Variants in TUSC3 observed in about 807,000 individuals in gnomAD.
TUSC3 encodes tumor suppressor candidate 3.
In TUSC3, 45 loss-of-function variants were observed where a neutral mutation model predicts 44.8. The observed-to-expected ratio is 1.00, with a 90% CI of 0.79 to 1.29. The LOEUF (loss-of-function observed/expected upper bound fraction) is 1.29. TUSC3 is among the 50% of genes most tolerant of loss of function. The probability of loss-of-function intolerance (pLI) is 0.00; values close to 1 mark genes in which losing one functional copy is unlikely to be tolerated. For synonymous variants in TUSC3, 212 were observed against 152.9 expected (o/e 1.39, Z -2.85); for missense variants, 519 against 437.9 (o/e 1.19, Z -1.65).
intron 2 of TUSC3, among the ~76,000 whole-genome samples, chr8:15,504,991 TCCTAAACA>T (rs1181517934): frequency 6.6e-6 from 1 of 152,100 alleles, no homozygotes; most frequent in Non-Finnish European, 1.5e-5. Flanking sequence ...GGTGCGGGCT[TCCTAAACA>T]ATACTGTATC....
intron 2 of TUSC3, among the ~76,000 whole-genome samples, chr8:15,501,770 G>C (rs560193418): frequency 7.2e-5 from 11 of 152,132 alleles, no homozygotes; most frequent in Admixed American, 7.2e-4. Context: ...TATCTAACAG[G>C]ATGCTGATTG....
At chr8:15,504,249 C>T (rs904386718) in intron 2 of TUSC3, among the ~76,000 whole-genome samples, 4 of 151,898 alleles carry the variant, frequency 2.6e-5, no homozygotes, top group African/African-American at 9.7e-5. Flanking sequence ...TCCTCAGTTA[C>T]AAAATAAAGA....
chr8:15,683,607 C>T (rs912837890), intron 6 of TUSC3, among the ~76,000 whole-genome samples: 1 of 151,984 alleles, frequency 6.6e-6, no homozygotes, highest in Non-Finnish European at 1.5e-5. Context: ...GCTTCTTTGC[C>T]GTCCAGGTTC....
intron 2 of TUSC3, among the ~76,000 whole-genome samples, chr8:15,495,402 C>T (rs954077829): frequency 6.6e-6 from 1 of 152,138 alleles, no homozygotes; most frequent in Non-Finnish European, 1.5e-5. Flanking sequence ...TAGTTTAAAA[C>T]CGTGGAAATG....
intron 5 of TUSC3, among the ~76,000 whole-genome samples, chr8:15,673,055 C>T (rs1808018141): frequency 6.6e-6 from 1 of 152,040 alleles, no homozygotes; most frequent in Admixed American, 6.6e-5. Context: ...CATGCTGACA[C>T]CTCAGTTATA....
chr8:15,523,806 C>G (rs1297292600), intron 2 of TUSC3, among the ~76,000 whole-genome samples: 1 of 149,636 alleles, frequency 6.7e-6, no homozygotes, highest in East Asian at 2.0e-4. Flanking sequence ...GCCTGTAATC[C>G]CAGCACTTTG....
At chr8:15,424,116 A>G (rs957439280) in intron 1 of TUSC3, among the ~76,000 whole-genome samples, 12 of 150,150 alleles carry the variant, frequency 8.0e-5, no homozygotes, top group African/African-American at 2.4e-4. Context: ...TCAGCCTTCC[A>G]AGTAGCTGGG....
chr8:15,803,372 A>C, the TUSC3 span, among the ~76,000 whole-genome samples: 213 of 152,326 alleles, frequency 1.4e-3, 5 homozygotes, highest in East Asian at 0.038. Context: ...GACAAAAATC[A>C]GTAACTTCTT....
the TUSC3 span, among the ~76,000 whole-genome samples, chr8:15,845,869 T>G: frequency 6.6e-6 from 1 of 152,258 alleles, no homozygotes; most frequent in African/African-American, 2.4e-5. Context: ...ATGCTGCTCA[T>G]GAAGACATAC....
rs564118958 is a variant in TUSC3 at position 15,524,545 on chromosome 8, A to G, written n.189+41062A>G. The stretch of plus-strand genomic sequence containing the variant: ...ATAGACCATGTGGAAATGATATCCA[A>G]TATTAATATTTGGAGGAAGTTTATT... On this transcript the variant is annotated intron_variant and non_coding_transcript_variant, in intron 2 of 5. Coordinates refer to the TUSC3 transcript ENST00000503191. 3.3e-5 allele frequency among the ~76,000 whole-genome samples: 5 copies of G among 152,324 alleles called. No homozygotes were observed. The South Asian group carries it at 1.0e-3, about 32-fold the overall frequency.
chr8:15,726,985 A>G (rs905169526), intron 6 of TUSC3, among the ~76,000 whole-genome samples: 1 of 152,272 alleles, frequency 6.6e-6, no homozygotes, highest in South Asian at 2.1e-4. Flanking sequence ...GCCCTTAGTT[A>G]AATATATATT....
chr8:15,827,323 A>G, the TUSC3 span, among the ~76,000 whole-genome samples: 3 of 152,350 alleles, frequency 2.0e-5, no homozygotes, highest in Middle Eastern at 6.8e-3. Context: ...ATTAAAAAAT[A>G]TTTCTCAAAT....
chr8:15,501,748 G>C (rs1370054380), intron 2 of TUSC3, among the ~76,000 whole-genome samples: 2 of 152,182 alleles, frequency 1.3e-5, no homozygotes, highest in Non-Finnish European at 2.9e-5. Flanking sequence ...CACTTACTGA[G>C]TGCTTAATGT....
At chr8:15,555,165 G>C (rs77296682) in intron 1 of TUSC3, among the ~76,000 whole-genome samples, 25,065 of 136,512 alleles carry the variant, frequency 0.18, 2,860 homozygotes, top group South Asian at 0.23. Context: ...TTTTTTTTGG[G>C]GGGGACGAGA....
intron 1 of TUSC3, among the ~76,000 whole-genome samples, chr8:15,570,298 ACACACT>A (rs1419452569): frequency 1.3e-5 from 2 of 149,592 alleles, no homozygotes; most frequent in Non-Finnish European, 3.0e-5. Flanking sequence ...ACACACACAC[ACACACT>A]CTTACTGAAA....
chr8:15,588,822 C>T (rs76330534), intron 1 of TUSC3, among the ~76,000 whole-genome samples: 3,140 of 152,120 alleles, frequency 0.021, 96 homozygotes, highest in African/African-American at 0.07. Context: ...TCCTTTCCCC[C>T]AGTGTTTGTT....
chr8:15,724,514 A>T (rs530606017), intron 6 of TUSC3, among the ~76,000 whole-genome samples: 5 of 152,204 alleles, frequency 3.3e-5, no homozygotes, highest in Non-Finnish European at 5.9e-5. Flanking sequence ...CAAGGAAAAT[A>T]CAAGATTTTT....
intron 1 of TUSC3, among the ~76,000 whole-genome samples, chr8:15,544,752 A>G (rs1801808566): frequency 6.6e-6 from 1 of 151,818 alleles, no homozygotes; most frequent in Admixed American, 6.6e-5. Context: ...TTGCAGTGAT[A>G]ACACAGGAAA....
intron 6 of TUSC3, among the ~76,000 whole-genome samples, chr8:15,725,880 AT>A (rs1810477153): frequency 1.3e-5 from 2 of 152,134 alleles, no homozygotes; most frequent in Admixed American, 1.3e-4. Flanking sequence ...CAATTTGCAG[AT>A]TAGGAAACTG....
Sources: allele counts gnomAD v4.1 joint callset (sites outside exome capture counted in the v4.1 genomes callset), GRCh38; gene constraint gnomAD v4.1.1; transcripts MANE v1.5; gene names NCBI Gene and HGNC (gene_info 2026-07-23, HGNC 2026-07-21).